The following GLIS1 variants were observed in gnomAD, a reference collection of about 807,000 sequenced individuals.
GLIS1 encodes zinc finger protein GLIS1.
GLIS1 carries 24 observed loss-of-function variants against 63.8 expected under a neutral mutation model. The ratio of observed to expected loss-of-function variants is 0.38; its 90% confidence interval spans 0.27 to 0.53. The LOEUF is 0.53. GLIS1 is among the 20% of genes least tolerant of loss of function. The pLI, the probability that GLIS1 is intolerant of heterozygous loss-of-function variation, is 0.85. For missense variants in GLIS1, 1,036 were observed against 1,074.1 expected (o/e 0.96, Z 0.50); for synonymous variants, 450 against 482.5 (o/e 0.93, Z 0.88).
chr1:53,730,796 C>T (rs548915733), intron 2 of GLIS1, among the ~76,000 whole-genome samples: 3 of 152,270 alleles, frequency 2.0e-5, no homozygotes, highest in Admixed American at 2.0e-4. Flanking sequence ...TGCAACCAGC[C>T]GTGGGACCTT....
chr1:53,707,148 T>A lies in GLIS1; in HGVS notation c.259+30658A>T, dbSNP rs866428846. On this transcript the variant is annotated intron_variant, in intron 2 of 10. Coordinates refer to ENST00000628545, the MANE Select transcript of GLIS1 (RefSeq NM_001367484.1). Reference sequence around the variant, plus strand: ...CCAGTCCCCTTCCTTCCCTGGCACCTTCCCAGGCTGTTTTGAAGCCCTGAA... The same window carrying A: ...CCAGTCCCCTTCCTTCCCTGGCACCATCCCAGGCTGTTTTGAAGCCCTGAA... 5.9e-5 allele frequency among the ~76,000 whole-genome samples: 9 copies of A among 152,288 alleles called. No individual in the cohort carries two copies. The South Asian group carries it at 6.2e-4, about 11-fold the overall frequency.
chr1:53,723,523 C>A (rs1324484711), intron 2 of GLIS1, among the ~76,000 whole-genome samples: 2 of 152,014 alleles, frequency 1.3e-5, no homozygotes, highest in African/African-American at 2.4e-5. Context: ...GGTGAGCCAC[C>A]GCGCCTGGCC....
At chr1:53,635,148 G>A (rs1333575237) in intron 2 of GLIS1, among the ~76,000 whole-genome samples, 1 of 152,056 alleles carries the variant, frequency 6.6e-6, no homozygotes, top group East Asian at 1.9e-4. Flanking sequence ...AATTGATGCA[G>A]GAAAGAGAAG....
chr1:53,567,166 T>C (rs1644943068), intron 4 of GLIS1, among the ~76,000 whole-genome samples: 1 of 152,208 alleles, frequency 6.6e-6, no homozygotes, highest in Non-Finnish European at 1.5e-5. Flanking sequence ...CAGATGGAGA[T>C]GAGGAAATTT....
At chr1:53,602,225 T>C (rs183510767) in intron 2 of GLIS1, among the ~76,000 whole-genome samples, 1 of 152,252 alleles carries the variant, frequency 6.6e-6, no homozygotes, top group African/African-American at 2.4e-5. Context: ...GTAACAAATG[T>C]GAATGGCCCG....
At chr1:53,600,659 C>CAAGGTGTGAGAA (rs1017993957) in intron 2 of GLIS1, among the ~76,000 whole-genome samples, 2 of 152,192 alleles carry the variant, frequency 1.3e-5, no homozygotes, top group African/African-American at 4.8e-5. Context: ...GCTCATGAGG[C>CAAGGTGTGAGAA]AAGGTGTGAG....
chr1:53,662,469 C>G (rs1213225098), intron 2 of GLIS1, among the ~76,000 whole-genome samples: 2 of 152,072 alleles, frequency 1.3e-5, no homozygotes, highest in Admixed American at 6.5e-5. Context: ...ATGATGATGG[C>G]GGCAAGGATG....
chr1:53,686,829 T>G (rs1210029027), intron 2 of GLIS1, among the ~76,000 whole-genome samples: 21 of 148,666 alleles, frequency 1.4e-4, no homozygotes, highest in African/African-American at 2.2e-4. Flanking sequence ...GTGGCGGGGG[T>G]GGGGCAATAA....
intron 2 of GLIS1, among the ~76,000 whole-genome samples, chr1:53,658,359 A>G (rs956120735): frequency 6.6e-6 from 1 of 152,226 alleles, no homozygotes; most frequent in Admixed American, 6.5e-5. Flanking sequence ...GCCCTGTGCT[A>G]ACACAGTACC....
chr1:53,566,459 T>G (rs908766833), intron 4 of GLIS1, among the ~76,000 whole-genome samples: 11 of 152,198 alleles, frequency 7.2e-5, no homozygotes, highest in African/African-American at 2.7e-4. Flanking sequence ...CAAGTAGAAT[T>G]TGAAATTTAA....
chr1:53,612,431 G>C (rs922332458), intron 2 of GLIS1, among the ~76,000 whole-genome samples: 1 of 151,954 alleles, frequency 6.6e-6, no homozygotes, highest in Non-Finnish European at 1.5e-5. Context: ...TAGTAGAGAC[G>C]GGGTTTCACT....
At chr1:53,523,321 C>T (rs1389776588) in intron 6 of GLIS1, among the ~76,000 whole-genome samples, 1 of 152,094 alleles carries the variant, frequency 6.6e-6, no homozygotes, top group Non-Finnish European at 1.5e-5. Context: ...ACCAACTTCC[C>T]AAGCCTGGCG....
In GLIS1 at chr1:53,539,924, G is replaced by A. The variant is rs1280091516; in HGVS notation, c.1321-9972C>T. ...GCCCAATGTCTACTTCCCTCCCCAC[G>A]CTGCAGCCACAGGCCACACATTGCC... On this transcript the variant is annotated intron_variant, in intron 4 of 10. Transcript: ENST00000628545. This position sits in a 1 kb window ranked among gnomAD's most constrained non-coding sequence, Gnocchi z 5.0. 6.6e-6 allele frequency among the ~76,000 whole-genome samples: 1 copy of A among 152,112 alleles called. No individual in the cohort carries two copies. The highest frequency in any genetic ancestry group is 2.4e-5 in the African/African-American group (1 of 41,396).
At chr1:53,519,278 G>A (rs565682618) in intron 7 of GLIS1, among the ~76,000 whole-genome samples, 1 of 152,320 alleles carries the variant, frequency 6.6e-6, no homozygotes, top group Non-Finnish European at 1.5e-5. Flanking sequence ...CCATCCGCCT[G>A]TGTCCTCGCC....
intron 4 of GLIS1, among the ~76,000 whole-genome samples, chr1:53,532,871 G>A (rs1346144500): frequency 1.3e-5 from 2 of 152,166 alleles, no homozygotes; most frequent in African/African-American, 2.4e-5. Flanking sequence ...GTCTCTATTC[G>A]GACTGTCCCC....
At chr1:53,688,313 G>A (rs1328461829) in intron 2 of GLIS1, among the ~76,000 whole-genome samples, 3 of 152,222 alleles carry the variant, frequency 2.0e-5, no homozygotes, top group African/African-American at 4.8e-5. Context: ...CCTACAAAAT[G>A]TGCTCTGAGC....
At chr1:53,674,963 G>A (rs1156244735) in intron 2 of GLIS1, among the ~76,000 whole-genome samples, 2 of 152,230 alleles carry the variant, frequency 1.3e-5, no homozygotes, top group African/African-American at 4.8e-5. Flanking sequence ...GTGCCCTGCA[G>A]GAGCTGTCAC....
chr1:53,623,658 A>G (rs1024987408), intron 2 of GLIS1, among the ~76,000 whole-genome samples: 2 of 152,228 alleles, frequency 1.3e-5, no homozygotes, highest in South Asian at 4.1e-4. Context: ...AAACAAAAGA[A>G]AGAATAAATT....
At position 53,546,143 on chromosome 1, in the gene GLIS1, C is replaced by T. The variant is rs368964239; in HGVS notation, c.1321-16191G>A. On this transcript the variant is annotated intron_variant, in intron 4 of 10. Coordinates refer to ENST00000628545, the MANE Select transcript of GLIS1 (RefSeq NM_001367484.1). ...ATGTGGGTGCCTCCTCGCAGGGTGA[C>T]GCCACCAAGCTCCTGTTTCACACAT... Among the ~76,000 whole-genome samples the T allele has an allele frequency of 2.2e-4, 34 of 152,350 alleles. No homozygotes were observed. The South Asian group carries it at 3.3e-3, about 15-fold the overall frequency.
Sources: allele counts gnomAD v4.1 joint callset (sites outside exome capture counted in the v4.1 genomes callset), GRCh38; gene constraint gnomAD v4.1.1; non-coding constraint Gnocchi (gnomAD v3.1); transcripts MANE v1.5; gene names NCBI Gene and HGNC (gene_info 2026-07-23, HGNC 2026-07-21).